Variants in PPARG observed in about 807,000 individuals in gnomAD.
PPARG encodes the protein peroxisome proliferator-activated receptor gamma.
PPARG carries 17 observed loss-of-function variants against 39.2 expected under a neutral mutation model. That is an observed-to-expected ratio of 0.43 (90% CI 0.30 to 0.65). The LOEUF is 0.65. PPARG is among the 30% of genes least tolerant of loss of function. The probability of loss-of-function intolerance (pLI) is 0.13; values close to 1 mark genes in which losing one functional copy is unlikely to be tolerated. For missense variants in PPARG, 406 were observed against 585.9 expected, an observed-to-expected ratio of 0.69 and a Z score of 3.17; for synonymous variants, 223 against 215.7, an observed-to-expected ratio of 1.03 and a Z score of -0.30.
chr3:12,361,020 C>T (rs2048830557), intron 2 of PPARG, among the ~76,000 whole-genome samples: 1 of 152,142 alleles, frequency 6.6e-6, no homozygotes, highest in South Asian at 2.1e-4. Context: ...TATACTTCTA[C>T]TAGAAGTGCA....
intron 2 of PPARG, among the ~76,000 whole-genome samples, chr3:12,356,930 A>G (rs1376471300): frequency 2.0e-5 from 3 of 152,100 alleles, no homozygotes; most frequent in Non-Finnish European, 2.9e-5. Flanking sequence ...GTCAGCTTCA[A>G]GTAACCTCTA....
intron 7 of PPARG, among the ~76,000 whole-genome samples, chr3:12,430,188 T>C (rs968503249): frequency 6.9e-6 from 1 of 145,776 alleles, no homozygotes; most frequent in African/African-American, 2.5e-5. Flanking sequence ...GAAAACATCG[T>C]TTACAGACTT....
intron 2 of PPARG, among the ~76,000 whole-genome samples, chr3:12,342,767 C>T (rs73134740): frequency 0.12 from 18,699 of 149,986 alleles, 1,389 homozygotes; most frequent in East Asian, 0.29. Context: ...ACAATGAACG[C>T]GGATTGGTTC....
At chr3:12,393,190 A>ATTTTTTT (rs143287325) in intron 5 of PPARG, among the ~76,000 whole-genome samples, 4 of 111,508 alleles carry the variant, frequency 3.6e-5, no homozygotes, top group Non-Finnish European at 5.4e-5. Flanking sequence ...GATTCATTTA[A>ATTTTTTT]TTTTTTTTTT....
At chr3:12,347,256 A>G (rs2048353574) in intron 2 of PPARG, among the ~76,000 whole-genome samples, 1 of 151,820 alleles carries the variant, frequency 6.6e-6, no homozygotes, top group Admixed American at 6.6e-5. Flanking sequence ...AGGCTGAGGC[A>G]GGGGGGTCAC....
At chr3:12,298,044 A>C (rs1046919121) in intron 1 of PPARG, 1 of 151,952 alleles carries the variant, frequency 6.6e-6, no homozygotes, top group Non-Finnish European at 1.5e-5. Flanking sequence ...TCACGCCTGT[A>C]ATCCCAGCAC....
Position 12,404,088 on chromosome 3 carries a change from G to A in PPARG, c.530-1794G>A, listed in dbSNP as rs145700410. On this transcript the variant is annotated intron_variant, in intron 5 of 7. Coordinates refer to ENST00000651735, the MANE Select transcript of PPARG (RefSeq NM_138711.6). ...ATGAACAACCATACCCCAGCCCCATGGAACAACACAGAAAGAAAATGGGGA... is the reference window on the plus strand; with the variant it reads ...ATGAACAACCATACCCCAGCCCCATAGAACAACACAGAAAGAAAATGGGGA... Among the ~76,000 whole-genome samples, 822 of 152,220 alleles carry A rather than the reference G, an allele frequency of 5.4e-3. 6 individuals are homozygous for A. Among genetic ancestry groups the A allele is most frequent in the Middle Eastern group, 0.024 (7 of 294 alleles).
At chr3:12,303,661 T>A (rs2046986220) in intron 1 of PPARG, among the ~76,000 whole-genome samples, 1 of 152,104 alleles carries the variant, frequency 6.6e-6, no homozygotes, top group South Asian at 2.1e-4. Context: ...TAAAGGGAGG[T>A]CTGGTTCAGC....
At chr3:12,417,201 TG>T in intron 7 of PPARG, 47 bp downstream of exon 7, 1 of 1,586,704 alleles carries the variant, frequency 6.3e-7, no homozygotes, top group African/African-American at 1.3e-5. Flanking sequence ...GGGATGATGG[TG>T]GGGTGGCCAA....
At chr3:12,290,184 GT>G (rs538634608) in intron 1 of PPARG, among the ~76,000 whole-genome samples, 2 of 151,542 alleles carry the variant, frequency 1.3e-5, no homozygotes, top group African/African-American at 2.4e-5. Context: ...ACTAATGATG[GT>G]TTTTTTTAAA....
chr3:12,306,968 G>T (rs1007481395), intron 1 of PPARG, among the ~76,000 whole-genome samples: 1 of 151,822 alleles, frequency 6.6e-6, no homozygotes, highest in Non-Finnish European at 1.5e-5. Flanking sequence ...CGTGGTGGTG[G>T]GCGCCTGTAG....
At chr3:12,351,685 T>C (rs2125094349) in intron 2 of PPARG, 1 of 1,592,920 alleles carries the variant, frequency 6.3e-7, no homozygotes, top group Non-Finnish European at 8.6e-7. Flanking sequence ...GTAAAGTTCC[T>C]TCCAGATACG....
In PPARG at chr3:12,340,379, T is replaced by C. The variant is rs149783598; in HGVS notation, c.-9+27926T>C. 6.4e-3 allele frequency among the ~76,000 whole-genome samples: 981 copies of C among 152,310 alleles called. 4 individuals carry two copies. Among genetic ancestry groups the C allele is most frequent in the Non-Finnish European group, 9.6e-3 (655 of 68,024 alleles). On this transcript the variant is annotated intron_variant, in intron 2 of 7. Transcript: ENST00000651735. ...GACTGTGTGCAATAGATAACAAAAA[T>C]ATAATTAGGAGGAGGACTGAATTAA...
At chr3:12,313,429 A>C (rs1018214028) in intron 2 of PPARG, among the ~76,000 whole-genome samples, 1 of 152,104 alleles carries the variant, frequency 6.6e-6, no homozygotes, top group African/African-American at 2.4e-5. Context: ...TCAGATTCCA[A>C]ACTTTTTGGG....
chr3:12,287,810 G>GCCCCCA (rs1241313443), upstream of PPARG: 2,969 of 42,486 alleles, frequency 0.07, 50 homozygotes, highest in Non-Finnish European at 0.094. Flanking sequence ...CCCCGCCCCC[G>GCCCCCA]CCCCCGCCCC....
chr3:12,422,792 G>A (rs910432887), intron 7 of PPARG, among the ~76,000 whole-genome samples: 1 of 151,720 alleles, frequency 6.6e-6, no homozygotes, highest in Non-Finnish European at 1.5e-5. Context: ...TGAGGCAGGA[G>A]GATTGCTTAA....
At chr3:12,390,083 A>G (rs1370065277) in intron 4 of PPARG, among the ~76,000 whole-genome samples, 1 of 152,210 alleles carries the variant, frequency 6.6e-6, no homozygotes, top group Non-Finnish European at 1.5e-5. Flanking sequence ...TAAGGAAAAG[A>G]CAGTTAGAAA....
chr3:12,342,106 G>A (rs1414837302), intron 2 of PPARG, among the ~76,000 whole-genome samples: 1 of 152,190 alleles, frequency 6.6e-6, no homozygotes, highest in African/African-American at 2.4e-5. Flanking sequence ...CTTCTGATGT[G>A]ATGGAATAGG....
At chr3:12,354,413 A>T (rs988134677) in intron 2 of PPARG, among the ~76,000 whole-genome samples, 6 of 152,092 alleles carry the variant, frequency 3.9e-5, no homozygotes, top group Non-Finnish European at 2.9e-5. Flanking sequence ...TTAGCCTTGT[A>T]GCGTTAATCA....
Sources: allele counts gnomAD v4.1 joint callset (sites outside exome capture counted in the v4.1 genomes callset), GRCh38; gene constraint gnomAD v4.1.1; transcripts MANE v1.5; gene names NCBI Gene and HGNC (gene_info 2026-07-23, HGNC 2026-07-21).